The following AP3D1 variants were observed in gnomAD, a reference collection of about 807,000 sequenced individuals.
The protein encoded by AP3D1 is adaptor related protein complex 3 subunit delta 1, also known as AP-3 complex subunit delta-1.
A neutral mutation model predicts 147.6 loss-of-function variants in AP3D1; 51 were observed. The ratio of observed to expected loss-of-function variants is 0.35; its 90% CI spans 0.28 to 0.44. The LOEUF is 0.44. Among genes scored for constraint, AP3D1 ranks in the 20% least tolerant of loss-of-function variants. AP3D1 has a pLI of 1.00. For missense variants in AP3D1, 1,421 were observed against 1,624.2 expected, an observed-to-expected ratio of 0.87 and a Z score of 2.15; for synonymous variants, 760 against 663.0, an observed-to-expected ratio of 1.15 and a Z score of -2.25.
intron 26 of AP3D1, 57 bp from the exon 27 acceptor site, chr19:2,110,953 C>T: frequency 6.4e-7 from 1 of 1,561,418 alleles, no homozygotes; most frequent in Non-Finnish European, 8.7e-7. Flanking sequence ...GGAACAGGCA[C>T]AGCCACCTGT....
chr19:2,156,669 T>G (rs966970472), intron 1 of AP3D1, among the ~76,000 whole-genome samples: 1 of 151,922 alleles, frequency 6.6e-6, no homozygotes, highest in African/African-American at 2.4e-5. Context: ...GCTAACACAG[T>G]GAAACCCCGT....
At chr19:2,116,564 G>C (rs1027670556) in intron 17 of AP3D1, 41 bp downstream of exon 17, 2 of 1,530,648 alleles carry the variant, frequency 1.3e-6, no homozygotes, top group Non-Finnish European at 1.8e-6. Flanking sequence ...TGGGACAGGA[G>C]GGAGGAGACG....
intron 9 of AP3D1, among the ~76,000 whole-genome samples, chr19:2,125,810 TG>T (rs1300820371): frequency 2.7e-5 from 4 of 150,750 alleles, no homozygotes; most frequent in African/African-American, 9.8e-5. Context: ...CATTTTTAAT[TG>T]TCAACTATAC....
In AP3D1 at chr19:2,137,825, G is replaced by A. The variant is rs1197402248; in HGVS notation, c.193-18C>T. 3 of 1,612,922 alleles carry A rather than the reference G, an allele frequency of 1.9e-6. No homozygotes were observed. The highest frequency in any genetic ancestry group is 2.7e-5 in the African/African-American group (2 of 74,990). Reference sequence around the variant, plus strand: ...ATCTGTAACTGTTAAGGGACGCACAGGAAATTGCACTCACAAGCCAAAGCA... The same window carrying A: ...ATCTGTAACTGTTAAGGGACGCACAAGAAATTGCACTCACAAGCCAAAGCA... On this transcript the variant is annotated intron_variant, in intron 2 of 31. Coordinates refer to ENST00000643116, the MANE Select transcript of AP3D1 (RefSeq NM_001261826.3).
At chr19:2,148,924 G>C (rs898833528) in intron 1 of AP3D1, among the ~76,000 whole-genome samples, 4 of 152,186 alleles carry the variant, frequency 2.6e-5, no homozygotes, top group Admixed American at 6.5e-5. Context: ...TTTGTTCCGG[G>C]TGCAGTGGGC....
chr19:2,107,798 A>G (rs2018154334), intron 31 of AP3D1, among the ~76,000 whole-genome samples: 1 of 148,820 alleles, frequency 6.7e-6, no homozygotes, highest in Admixed American at 6.6e-5. Context: ...ACCAGGAAAA[A>G]AGAGACACAA....
chr19:2,112,987 G>A lies in AP3D1; in HGVS notation c.2680-20C>T, dbSNP rs1767300371. On this transcript the variant is annotated intron_variant, in intron 23 of 31. Coordinates refer to ENST00000643116, the MANE Select transcript of AP3D1 (RefSeq NM_001261826.3). Reference sequence around the variant, plus strand: ...CTCCCCCTGCAGGGAGCCAGGGCTTGGGGCTCATGCTGGGCAATGAGGGGC... The same window carrying A: ...CTCCCCCTGCAGGGAGCCAGGGCTTAGGGCTCATGCTGGGCAATGAGGGGC... 4 of 1,591,114 alleles carry A rather than the reference G, an allele frequency of 2.5e-6. No homozygotes were observed. Among genetic ancestry groups the A allele is most frequent in the Non-Finnish European group, 3.4e-6 (4 of 1,168,072 alleles).
chr19:2,114,372 G>T, intron 21 of AP3D1, 70 bp from the exon 22 acceptor site: 1 of 1,335,924 alleles, frequency 7.5e-7, no homozygotes. Context: ...AGTACATGCC[G>T]TGTCCAAGCA....
chr19:2,150,728 C>G (rs1052241325), intron 1 of AP3D1, among the ~76,000 whole-genome samples: 3 of 152,224 alleles, frequency 2.0e-5, no homozygotes, highest in African/African-American at 7.2e-5. Flanking sequence ...CCAGGGACGG[C>G]CCAGGACCCC....
At chr19:2,142,205 G>A (rs2019241552) in intron 1 of AP3D1, among the ~76,000 whole-genome samples, 1 of 151,900 alleles carries the variant, frequency 6.6e-6, no homozygotes, top group Non-Finnish European at 1.5e-5. Flanking sequence ...TTTAGAGGGG[G>A]TTTAGCCATG....
At chr19:2,135,922 C>T (rs1453897048) in intron 4 of AP3D1, among the ~76,000 whole-genome samples, 1 of 151,990 alleles carries the variant, frequency 6.6e-6, no homozygotes, top group Non-Finnish European at 1.5e-5. Context: ...CCGCCCCCAT[C>T]CTCCTCTTAG....
rs1456422634 is a variant in AP3D1, at chr19:2,151,143, G to A, written c.96+96C>T. ...GGGACCTCCAACTAAGACAGAGCCC[G>A]GGCGGGCGGCAGGCCGAGCAGGCCC... On this transcript the variant is annotated intron_variant, in intron 1 of 31. Coordinates refer to ENST00000643116, the MANE Select transcript of AP3D1 (RefSeq NM_001261826.3). 4 of 1,218,948 alleles carry A rather than the reference G, an allele frequency of 3.3e-6. No homozygotes were observed. In the East Asian group the frequency reaches 8.9e-5, roughly 27 times the overall value. The allele number at this position is 1,218,948 out of a possible 1,614,324, so 75.5% of individuals were successfully genotyped here.
At chr19:2,157,037 C>A (rs2019650890) in intron 1 of AP3D1, among the ~76,000 whole-genome samples, 1 of 151,322 alleles carries the variant, frequency 6.6e-6, no homozygotes, top group South Asian at 2.1e-4. Context: ...ATCTATCATT[C>A]ATCCATCCAC....
At chr19:2,139,216 C>T (rs1036053509) in intron 1 of AP3D1, among the ~76,000 whole-genome samples, 4 of 151,978 alleles carry the variant, frequency 2.6e-5, no homozygotes, top group South Asian at 2.1e-4. Flanking sequence ...CGGGAGGGTT[C>T]GCTTTCTTTC....
chr19:2,113,131 G>C (rs1429002741), intron 23 of AP3D1, 164 bp from the exon 24 acceptor site: 1 of 634,280 alleles, frequency 1.6e-6, no homozygotes, highest in African/African-American at 1.8e-5. Context: ...CAGAGGCCCT[G>C]GCTGTCCTCC....
chr19:2,154,286 C>T (rs202076479), upstream of AP3D1, among the ~76,000 whole-genome samples: 41 of 138,230 alleles, frequency 3.0e-4, no homozygotes, highest in African/African-American at 7.8e-4. Context: ...TTTTTTTTTT[C>T]TTTTTTTTTT....
chr19:2,123,703 C>G (rs115632346), intron 10 of AP3D1, 127 bp downstream of exon 10: 5 of 1,205,808 alleles, frequency 4.1e-6, no homozygotes, highest in Non-Finnish European at 5.9e-6. Context: ...CGGCTGTGCC[C>G]TCCCAAGCCG....
chr19:2,140,106 C>G (rs890337226), intron 1 of AP3D1, among the ~76,000 whole-genome samples: 9 of 152,132 alleles, frequency 5.9e-5, no homozygotes, highest in Non-Finnish European at 8.8e-5. Flanking sequence ...TGCTCCCATC[C>G]CCGGAGCAAG....
chr19:2,101,430 G>T lies in AP3D1; in HGVS notation c.*743C>A, dbSNP rs368285095. ...GAAGGATGTGGGGAAACCTTGGTGC[G>T]CATAGTGGCAAGCAGGGGATGCGGA... is the stretch of plus-strand genomic sequence containing the variant. On this transcript the variant is annotated 3_prime_UTR_variant, in exon 32 of 32. Coordinates refer to ENST00000643116, the MANE Select transcript of AP3D1 (RefSeq NM_001261826.3). 6.7e-6 allele frequency: 1 copy of T among 149,516 alleles called. No homozygotes were observed. The highest frequency in any genetic ancestry group is 1.5e-5 in the Non-Finnish European group (1 of 67,866). 9.3% of individuals were successfully genotyped at this position (149,516 alleles called of 1,614,324 possible).
Sources: gnomAD v4.1 joint callset for allele counts (sites outside exome capture counted in the v4.1 genomes callset) on GRCh38, gnomAD v4.1.1 for gene constraint, MANE v1.5 for transcripts, NCBI Gene and HGNC (gene_info 2026-07-23, HGNC 2026-07-21) for gene names.